The following LSAMP variants were observed in gnomAD, a reference collection of about 807,000 sequenced individuals.
The protein encoded by LSAMP is limbic system associated membrane protein.
A neutral mutation model predicts 38.6 loss-of-function variants in LSAMP; 7 were observed. That is an observed-to-expected ratio of 0.18 (90% CI 0.10 to 0.34). LSAMP has a LOEUF of 0.34. Ranked by LOEUF, LSAMP falls within the 10% of genes least tolerant of loss-of-function variation. The probability of loss-of-function intolerance (pLI) is 1.00; values close to 1 mark genes in which losing one functional copy is unlikely to be tolerated. For synonymous variants in LSAMP, 154 were observed against 166.8 expected, an observed-to-expected ratio of 0.92 and a Z score of 0.59; for missense variants, 313 against 420.0, an observed-to-expected ratio of 0.75 and a Z score of 2.23.
At chr3:116,089,381 G>A (rs976944232) in intron 1 of LSAMP, among the ~76,000 whole-genome samples, 1 of 152,074 alleles carries the variant, frequency 6.6e-6, no homozygotes, top group Non-Finnish European at 1.5e-5. Context: ...TTTTTGAGAT[G>A]GAGTCTCGCT....
chr3:116,197,324 C>T (rs6779886), intron 1 of LSAMP, among the ~76,000 whole-genome samples: 29,613 of 152,074 alleles, frequency 0.19, 2,945 homozygotes, highest in Admixed American at 0.24. Flanking sequence ...TGTCACTTCT[C>T]CTTCCAAACG....
At chr3:116,236,714 TA>T (rs1217574352) in intron 1 of LSAMP, among the ~76,000 whole-genome samples, 4 of 152,108 alleles carry the variant, frequency 2.6e-5, no homozygotes, top group African/African-American at 9.7e-5. Context: ...AAGTTGCCTT[TA>T]GTGTTATAGT....
chr3:116,277,616 C>T (rs184380789), intron 1 of LSAMP, among the ~76,000 whole-genome samples: 324 of 152,250 alleles, frequency 2.1e-3, no homozygotes, highest in Non-Finnish European at 7.5e-4. Context: ...CCTGATCTGC[C>T]GGCCTCAGCC....
At chr3:116,045,003 AT>A (rs1941259983) in intron 2 of LSAMP, among the ~76,000 whole-genome samples, 1 of 152,192 alleles carries the variant, frequency 6.6e-6, no homozygotes, top group Non-Finnish European at 1.5e-5. Flanking sequence ...TTTGTAGCAA[AT>A]GTCAGACGTT....
intron 3 of LSAMP, among the ~76,000 whole-genome samples, chr3:115,954,296 T>C (rs1428268128): frequency 6.6e-6 from 1 of 152,170 alleles, no homozygotes; most frequent in African/African-American, 2.4e-5. Flanking sequence ...GGGTCTGCTG[T>C]TTGCTGAAGG....
intron 3 of LSAMP, among the ~76,000 whole-genome samples, chr3:115,860,571 CT>C (rs1204469650): frequency 6.6e-6 from 1 of 152,172 alleles, no homozygotes; most frequent in African/African-American, 2.4e-5. Context: ...GTCCACTTCA[CT>C]TAACTTCCTT....
intron 3 of LSAMP, among the ~76,000 whole-genome samples, chr3:115,936,039 GA>G (rs1334430528): frequency 6.6e-6 from 1 of 152,100 alleles, no homozygotes; most frequent in Non-Finnish European, 1.5e-5. Flanking sequence ...AACATTTCTT[GA>G]ACACCCATAA....
At chr3:115,879,554 C>A (rs1361026736) in intron 3 of LSAMP, among the ~76,000 whole-genome samples, 2 of 152,114 alleles carry the variant, frequency 1.3e-5, no homozygotes, top group African/African-American at 4.8e-5. Flanking sequence ...TTCACTCATC[C>A]ATCAAGAAAA....
rs141840615 is a variant in LSAMP, at chr3:116,308,369, A to G, written c.155+136508T>C. Among the ~76,000 whole-genome samples, 66 of 152,216 alleles carry G rather than the reference A, an allele frequency of 4.3e-4. No individual in the cohort carries two copies. The East Asian group carries it at 9.1e-3, about 21-fold the overall frequency. On this transcript the variant is annotated intron_variant, in intron 1 of 6. Coordinates refer to ENST00000490035, the MANE Select transcript of LSAMP (RefSeq NM_002338.5). ...AGGAATGTGGAGTCCTCAAAATTAGAGGGCATGTCTTGATCTTCTCTGTAT... is the reference window on the plus strand; with the variant it reads ...AGGAATGTGGAGTCCTCAAAATTAGGGGGCATGTCTTGATCTTCTCTGTAT...
chr3:116,167,734 T>A (rs1576406875), intron 1 of LSAMP, among the ~76,000 whole-genome samples: 1 of 152,214 alleles, frequency 6.6e-6, no homozygotes, highest in South Asian at 2.1e-4. Flanking sequence ...CATATGCTAT[T>A]CTCAACACCT....
chr3:116,419,435 A>G (rs943867301), intron 1 of LSAMP, among the ~76,000 whole-genome samples: 4 of 152,160 alleles, frequency 2.6e-5, no homozygotes, highest in African/African-American at 9.7e-5. Context: ...TAGGTAATTG[A>G]GATTTTAAAT....
rs189194338 is a variant in LSAMP, at chr3:116,427,410, G to A, written c.155+17467C>T. 9.2e-5 allele frequency among the ~76,000 whole-genome samples: 14 copies of A among 152,116 alleles called. 1 individual carries two copies. The highest frequency in any genetic ancestry group is 3.9e-4 in the Admixed American group (6 of 15,282). ...GCTGGGATTACAGGCGTGAGCCACC[G>A]CGCCCGGCCCAAGACTCAGCTCTTT... is the stretch of plus-strand genomic sequence containing the variant. On this transcript the variant is annotated intron_variant, in intron 1 of 6. Transcript: ENST00000490035.
At chr3:115,888,486 T>C (rs1936512845) in intron 3 of LSAMP, among the ~76,000 whole-genome samples, 1 of 151,936 alleles carries the variant, frequency 6.6e-6, no homozygotes, top group South Asian at 2.1e-4. Context: ...CTGGTATAAA[T>C]CATCCCCCAT....
intron 2 of LSAMP, among the ~76,000 whole-genome samples, chr3:116,023,063 G>A (rs770854472): frequency 3.3e-5 from 5 of 151,800 alleles, no homozygotes; most frequent in Non-Finnish European, 5.9e-5. Flanking sequence ...ATGTTCTGTG[G>A]TTTATGTCAT....
In LSAMP at chr3:115,808,159, C is replaced by T. The variant is rs951808276; in HGVS notation, c.*2158G>A. The T allele has an allele frequency of 1.3e-5, 1 of 79,658 alleles. No individual in the cohort carries two copies. The highest frequency in any genetic ancestry group is 2.4e-5 in the Non-Finnish European group (1 of 41,490). 4.9% of individuals were successfully genotyped at this position (79,658 alleles called of 1,614,324 possible). On this transcript the variant is annotated 3_prime_UTR_variant, in exon 7 of 7. Coordinates refer to ENST00000490035, the MANE Select transcript of LSAMP (RefSeq NM_002338.5). ...CTCCCTCCCTCCCTCCCCCCCTTCC[C>T]CGTCCCCCCCTCCCTGCCTTCCTTC...
At chr3:116,387,908 AC>A (rs1403322341) in intron 1 of LSAMP, among the ~76,000 whole-genome samples, 1 of 151,928 alleles carries the variant, frequency 6.6e-6, no homozygotes, top group Non-Finnish European at 1.5e-5. Context: ...CCTGGCTAAC[AC>A]GGTGAAACCC....
intron 3 of LSAMP, among the ~76,000 whole-genome samples, chr3:115,942,639 T>C (rs536362014): frequency 9.8e-5 from 15 of 152,330 alleles, no homozygotes; most frequent in Non-Finnish European, 1.8e-4. Flanking sequence ...TTTTAGTATG[T>C]ACTAGATATC....
At chr3:116,128,536 C>T (rs1312553867) in intron 1 of LSAMP, among the ~76,000 whole-genome samples, 1 of 152,172 alleles carries the variant, frequency 6.6e-6, no homozygotes, top group Non-Finnish European at 1.5e-5. Context: ...TTGGTAATGG[C>T]TCCCATAATT....
At chr3:116,290,082 G>A (rs1463086646) in intron 1 of LSAMP, among the ~76,000 whole-genome samples, 1 of 152,088 alleles carries the variant, frequency 6.6e-6, no homozygotes, top group Non-Finnish European at 1.5e-5. Context: ...TTACCCTATT[G>A]TGTAGAGCTT....
Sources: gnomAD v4.1 joint callset for allele counts (sites outside exome capture counted in the v4.1 genomes callset) on GRCh38, gnomAD v4.1.1 for gene constraint, MANE v1.5 for transcripts, NCBI Gene and HGNC (gene_info 2026-07-23, HGNC 2026-07-21) for gene names.